The following PRKDC variants were observed in gnomAD, a reference collection of about 807,000 sequenced individuals.
PRKDC encodes the protein DNA-dependent protein kinase catalytic subunit.
PRKDC carries 82 observed loss-of-function variants against 486.9 expected under a neutral mutation model. The observed-to-expected ratio is 0.17, with a 90% CI of 0.14 to 0.20. The LOEUF is 0.20. Among genes scored for constraint, PRKDC ranks in the 10% least tolerant of loss-of-function variants. The pLI is 1.00. For synonymous variants in PRKDC, 1,895 were observed against 1,837.0 expected, an observed-to-expected ratio of 1.03 and a Z score of -0.81; for missense variants, 4,504 against 5,038.2, an observed-to-expected ratio of 0.89 and a Z score of 3.21.
chr8:47,805,701 A>C (rs548819807), intron 69 of PRKDC, among the ~76,000 whole-genome samples: 1 of 152,214 alleles, frequency 6.6e-6, no homozygotes, highest in East Asian at 1.9e-4. Flanking sequence ...TACACCTCTA[A>C]TTCTCTCTCA....
chr8:47,880,108 CA>C (rs1222050389), intron 38 of PRKDC, among the ~76,000 whole-genome samples: 1 of 152,136 alleles, frequency 6.6e-6, no homozygotes, highest in East Asian at 1.9e-4. Flanking sequence ...CTTGGCCTCC[CA>C]AAATGTTGCG....
intron 21 of PRKDC, among the ~76,000 whole-genome samples, chr8:47,923,363 T>C (rs1194484358): frequency 2.0e-5 from 3 of 152,218 alleles, no homozygotes; most frequent in Non-Finnish European, 4.4e-5. Flanking sequence ...GAAATCATTC[T>C]ATGTAATCTG....
chr8:47,849,499 A>T lies in PRKDC; in HGVS notation c.7010T>A (p.Leu2337Gln). 9 of 1,609,512 alleles carry T rather than the reference A, an allele frequency of 5.6e-6. No individual in the cohort carries two copies. The highest frequency in any genetic ancestry group is 7.6e-6 in the Non-Finnish European group (9 of 1,178,764). ...AACCAGTTCACACAGAGACTCCTCC[A>T]GTATCTGAAAAATTAAGTTTATTTT... ...LRYVMERKNI[L>Q]EESLCELVAK... Residue 2337 changes from leucine to glutamine, a missense_variant, in exon 53 of 86, where the codon CTG becomes CAG. Leu to Gln is a moderately radical substitution (Grantham distance 113). Coordinates refer to ENST00000314191, the MANE Select transcript of PRKDC (RefSeq NM_006904.7).
intron 54 of PRKDC, among the ~76,000 whole-genome samples, chr8:47,841,925 C>T (rs2088155647): frequency 6.6e-6 from 1 of 152,120 alleles, no homozygotes; most frequent in African/African-American, 2.4e-5. Context: ...GTGTGCTGGG[C>T]AAAAAACCCC....
chr8:47,834,276 G>A lies in PRKDC; in HGVS notation c.8072C>T (p.Ala2691Val), dbSNP rs1204163151. The change falls in exon 59 of 86, where the codon GCA (alanine) becomes GTA (valine). Residue 2691 changes from alanine (A) to valine (V), a missense_variant. Around this residue, in one of 6 missense-constraint regions of PRKDC, gnomAD observed 1,592 missense variants for 1,724.6 expected, o/e 0.92. Transcript: ENST00000314191. The part of the protein sequence containing the change: ...AHKRSERLQR[A>V]PLKSVGPDFG... ...ATCAGGCCCCACTGACTTCAAGGGT[G>A]CTCTCTGTAACCTTTCACTCCTCTT... 70 of 1,613,900 alleles carry A rather than the reference G, an allele frequency of 4.3e-5. No homozygotes were observed. In the Admixed American group the frequency reaches 1.1e-3, roughly 27 times the overall value.
At chr8:47,851,098 C>T (rs1004395833) in intron 52 of PRKDC, among the ~76,000 whole-genome samples, 7 of 152,264 alleles carry the variant, frequency 4.6e-5, no homozygotes, top group African/African-American at 1.7e-4. Context: ...GCATGAGCCA[C>T]AGCACCCGGC....
chr8:47,886,162 G>A lies in PRKDC; in HGVS notation c.4573-15C>T. 4.5e-6 allele frequency: 7 copies of A among 1,569,824 alleles called. No homozygotes were observed. The highest frequency in any genetic ancestry group is 6.0e-6 in the Non-Finnish European group (7 of 1,160,284). On this transcript the variant is annotated splice_polypyrimidine_tract_variant and intron_variant, in intron 35 of 85. Coordinates refer to ENST00000314191, the MANE Select transcript of PRKDC (RefSeq NM_006904.7). Reference sequence around the variant, plus strand: ...AGGCGCTCACACTGGGAAAAAGAAAGGAGAAGTACCATAACTGGGGCACAT... The same window carrying A: ...AGGCGCTCACACTGGGAAAAAGAAAAGAGAAGTACCATAACTGGGGCACAT...
At position 47,889,229 on chromosome 8, in the gene PRKDC, C is replaced by G. The variant is rs1402270832; in HGVS notation, c.4072-7G>C. 37 of 1,588,194 alleles carry G rather than the reference C, an allele frequency of 2.3e-5. No individual in the cohort carries two copies. The highest frequency in any genetic ancestry group is 3.2e-5 in the Non-Finnish European group (37 of 1,166,514). On this transcript the variant is annotated splice_region_variant and splice_polypyrimidine_tract_variant and intron_variant, in intron 32 of 85. Coordinates refer to ENST00000314191, the MANE Select transcript of PRKDC (RefSeq NM_006904.7). Reference sequence around the variant, plus strand: ...ACAAGTCCTTCTTCAGGAGCTGTAACAGATTGTTTGATAAAAACACTTCGT... The same window carrying G: ...ACAAGTCCTTCTTCAGGAGCTGTAAGAGATTGTTTGATAAAAACACTTCGT...
rs1027785753 is a variant in PRKDC at position 47,831,993 on chromosome 8, C to G, written c.8153-67G>C. 3 of 1,429,324 alleles carry G rather than the reference C, an allele frequency of 2.1e-6. No individual in the cohort carries two copies. The African/African-American group carries it at 4.2e-5, about 20-fold the overall frequency. 88.5% of individuals were successfully genotyped at this position (1,429,324 alleles called of 1,614,324 possible). A position where few individuals can be genotyped will look rare whatever the true frequency, so the allele number is the denominator to read the frequency against. ...ACACTTGGCTCTGCTGGTTCATTTT[C>G]ACCTCGGGTTTCCTCAAAGACAAAA... On this transcript the variant is annotated intron_variant, in intron 59 of 85. Transcript: ENST00000314191.
intron 39 of PRKDC, among the ~76,000 whole-genome samples, chr8:47,878,143 T>C (rs1207936038): frequency 2.0e-5 from 3 of 150,078 alleles, no homozygotes; most frequent in Non-Finnish European, 4.4e-5. Context: ...CTTGCTCTGT[T>C]GCCCAGGCTG....
chr8:47,884,740 C>T (rs1199273062), intron 36 of PRKDC, among the ~76,000 whole-genome samples: 2 of 152,196 alleles, frequency 1.3e-5, no homozygotes, highest in African/African-American at 4.8e-5. Context: ...ACATCATGTA[C>T]TCTCCCTTAA....
rs753289499 is a variant in PRKDC at position 47,778,805 on chromosome 8, A to G, written c.11580-6T>C. 6.2e-7 allele frequency: 1 copy of G among 1,610,114 alleles called. No homozygotes were observed. Among genetic ancestry groups the G allele is most frequent in the East Asian group, 2.2e-5 (1 of 44,842 alleles). On this transcript the variant is annotated splice_polypyrimidine_tract_variant and splice_region_variant and intron_variant, in intron 81 of 85. Coordinates refer to ENST00000314191, the MANE Select transcript of PRKDC (RefSeq NM_006904.7). ...TTTCAGTACGATTAGCGCCCCTATG[A>G]TTTAATAATAGAAACATCTAATTAG...
intron 54 of PRKDC, among the ~76,000 whole-genome samples, chr8:47,842,819 C>T (rs1259243919): frequency 6.6e-6 from 1 of 152,122 alleles, no homozygotes; most frequent in African/African-American, 2.4e-5. Context: ...GAAATTCAAT[C>T]CAAGAAATCC....
chr8:47,949,531 AT>A (rs1403577949), intron 7 of PRKDC, among the ~76,000 whole-genome samples: 3 of 152,240 alleles, frequency 2.0e-5, no homozygotes, highest in Admixed American at 6.5e-5. Flanking sequence ...CTGAGTGCTG[AT>A]TTATAAGCCA....
rs1212945533 is a variant in PRKDC at position 47,927,339 on chromosome 8, C to T, written c.2274G>A (p.Leu758=). 1 of 1,611,668 alleles carries T rather than the reference C, an allele frequency of 6.2e-7. No individual in the cohort carries two copies. The highest frequency in any genetic ancestry group is 1.3e-5 in the African/African-American group (1 of 74,776). ...CTGCCAAGGGGGTATAGCTCAGGCC[C>T]AGTTTGAAAGCCATCTGTATGTTAA... The part of the protein sequence containing the change: ...YVPALQMAFK[L]GLSYTPLAEV... The change falls in exon 21 of 86, where the codon CTG becomes CTA. Residue 758 remains leucine, a synonymous_variant. Transcript: ENST00000314191.
rs1243131902 is a variant in PRKDC at position 47,828,312 on chromosome 8, G to C, written c.8433C>G (p.Ser2811Arg). Residue 2811 changes from serine (S) to arginine (R), a missense_variant, in exon 62 of 86, where the codon AGC (serine) becomes AGG (arginine). By Grantham distance (110) the Ser-to-Arg change is moderately radical. Transcript: ENST00000314191. ...TCTCTTTCAAAATTCCAGAAAACAA[G>C]CTGCTAAAGAGCTGTTTTGCAATTA... ...DPIIAKQLFS[S>R]LFSGILKEMD... 2 of 1,599,892 alleles carry C rather than the reference G, an allele frequency of 1.3e-6. No homozygotes were observed. Among genetic ancestry groups the C allele is most frequent in the Non-Finnish European group, 1.7e-6 (2 of 1,173,014 alleles).
intron 18 of PRKDC, 141 bp downstream of exon 18, chr8:47,929,712 A>AT (rs1285400863): frequency 2.1e-6 from 2 of 969,860 alleles, no homozygotes; most frequent in Non-Finnish European, 2.9e-6. Flanking sequence ...TGCCATTCAC[A>AT]TATCAATTTT....
chr8:47,813,010 A>C (rs2087365522), intron 68 of PRKDC, among the ~76,000 whole-genome samples: 2 of 151,980 alleles, frequency 1.3e-5, no homozygotes, highest in African/African-American at 4.8e-5. Context: ...AAAAACAAAT[A>C]AAGAAGGCAG....
At chr8:47,959,488 C>T (rs2154504841) in intron 1 of PRKDC, among the ~76,000 whole-genome samples, 1 of 152,026 alleles carries the variant, frequency 6.6e-6, no homozygotes, top group Admixed American at 6.5e-5. Context: ...ACCAGCCTGA[C>T]CAACATGGTG....
Sources: allele counts gnomAD v4.1 joint callset (sites outside exome capture counted in the v4.1 genomes callset), GRCh38; gene constraint gnomAD v4.1.1; regional missense constraint gnomAD v4.1.1; transcripts MANE v1.5; gene names NCBI Gene and HGNC (gene_info 2026-07-23, HGNC 2026-07-21).